Variants in TXNL4B observed in about 807,000 individuals in gnomAD.
TXNL4B encodes the protein thioredoxin like 4B.
In TXNL4B, 12 loss-of-function variants were observed where a neutral mutation model predicts 13.0. That is an observed-to-expected ratio of 0.92 (90% CI 0.59 to 1.49). The LOEUF (loss-of-function observed/expected upper bound fraction) is 1.49, where lower values mean the gene tolerates loss of function less well. TXNL4B is among the 40% of genes most tolerant of loss of function. The probability of loss-of-function intolerance (pLI) is 0.00; values close to 1 mark genes in which losing one functional copy is unlikely to be tolerated. For missense variants in TXNL4B, 214 were observed against 173.6 expected (o/e 1.23, Z -1.31); for synonymous variants, 59 against 58.9 (o/e 1.00, Z -0.01).
intron 2 of TXNL4B, among the ~76,000 whole-genome samples, chr16:72,089,735 A>G (rs2041875186): frequency 6.6e-6 from 1 of 152,220 alleles, no homozygotes; most frequent in South Asian, 2.1e-4. Context: ...TTAGTAGCAG[A>G]CACTTATATA....
At chr16:72,092,916 A>C (rs1489641078) in intron 1 of TXNL4B, among the ~76,000 whole-genome samples, 1 of 152,268 alleles carries the variant, frequency 6.6e-6, no homozygotes, top group Non-Finnish European at 1.5e-5. Context: ...GGGCAGGCAC[A>C]GGGAGTTCCT....
intron 1 of TXNL4B, among the ~76,000 whole-genome samples, chr16:72,093,036 A>G (rs933454267): frequency 6.6e-6 from 1 of 151,838 alleles, no homozygotes; most frequent in Non-Finnish European, 1.5e-5. Context: ...GGGTTTCGCT[A>G]TGTTGCCCAG....
chr16:72,090,880 C>T, intron 1 of TXNL4B, 94 bp from the exon 2 acceptor site: 1 of 1,002,624 alleles, frequency 1.0e-6, no homozygotes, highest in Non-Finnish European at 1.5e-6. Context: ...AATGTATTCA[C>T]ATGGTATGAA....
At chr16:72,088,088 G>C (rs2041850049) in intron 3 of TXNL4B, among the ~76,000 whole-genome samples, 1 of 152,106 alleles carries the variant, frequency 6.6e-6, no homozygotes, top group Admixed American at 6.5e-5. Context: ...CAAAGTGCTG[G>C]GATTACACGC....
At chr16:72,092,312 C>A (rs2041920868) in intron 1 of TXNL4B, among the ~76,000 whole-genome samples, 1 of 152,020 alleles carries the variant, frequency 6.6e-6, no homozygotes, top group Admixed American at 6.6e-5. Context: ...ACTCAGGAGG[C>A]TGAGGCAGGA....
At chr16:72,091,656 C>CT (rs754477752) in intron 1 of TXNL4B, among the ~76,000 whole-genome samples, 9 of 152,208 alleles carry the variant, frequency 5.9e-5, no homozygotes, top group Non-Finnish European at 1.3e-4. Flanking sequence ...ATGTGTTACA[C>CT]TTTTTAAACA....
In TXNL4B at chr16:72,086,538, G is replaced by A; in HGVS notation, c.*99C>T. 3 of 1,178,372 alleles carry A rather than the reference G, an allele frequency of 2.5e-6. No individual in the cohort carries two copies. In the South Asian group the frequency reaches 4.7e-5, roughly 18 times the overall value. 73.0% of individuals were successfully genotyped at this position (1,178,372 alleles called of 1,614,324 possible). A position where few individuals can be genotyped will look rare whatever the true frequency, so the allele number is the denominator to read the frequency against. ...GCAAGTCAAACCTCTTCTCCTCTGG[G>A]ACACATGTTTCCAAAGGACTCCAGA... On this transcript the variant is annotated 3_prime_UTR_variant, in exon 4 of 4. Transcript: ENST00000268483.
At chr16:72,091,084 C>T (rs754397294) in intron 1 of TXNL4B, among the ~76,000 whole-genome samples, 1 of 152,150 alleles carries the variant, frequency 6.6e-6, no homozygotes, top group Non-Finnish European at 1.5e-5. Context: ...TCTCTCTCCC[C>T]ACCCCCAAAA....
rs545227297 is a variant in TXNL4B at position 72,090,861 on chromosome 16, A to G, written c.-37-75T>C. The G allele has an allele frequency of 4.9e-4, 582 of 1,198,082 alleles. 4 individuals are homozygous for G. In the South Asian group the frequency reaches 7.9e-3, roughly 16 times the overall value. 74.2% of individuals were successfully genotyped at this position (1,198,082 alleles called of 1,614,324 possible). On this transcript the variant is annotated intron_variant, in intron 1 of 3. Transcript: ENST00000268483. ...CCCTCATTAAAAAAAATTAATTCAC[A>G]GAGTAGCTAATGTATTCACATGGTA...
chr16:72,086,792 G>A lies in TXNL4B; in HGVS notation c.295C>T (p.His99Tyr). 1 of 1,608,840 alleles carries A rather than the reference G, an allele frequency of 6.2e-7. No individual in the cohort carries two copies. The highest frequency in any genetic ancestry group is 8.5e-7 in the Non-Finnish European group (1 of 1,175,978). The change falls in exon 4 of 4, where the codon CAC (histidine) becomes TAC (tyrosine). Residue 99 changes from histidine (H) to tyrosine (Y), a missense_variant. By Grantham distance (83) the His-to-Tyr change is moderately conservative. Transcript: ENST00000268483. ...TTGAAGCTTCCCACAAACTTAGTGT[G>A]ATCTGGAGATCTAGACAGCATAGAA... ...HMKVDYGSPDHTKFVGSFKTK... is the reference protein window; with the variant it reads ...HMKVDYGSPDYTKFVGSFKTK...
intron 3 of TXNL4B, chr16:72,087,321 C>T (rs530073240): frequency 8.5e-6 from 1 of 118,180 alleles, no homozygotes; most frequent in Non-Finnish European, 1.9e-5. Flanking sequence ...TCTATCCTTC[C>T]AATCTTGTGT....
intron 3 of TXNL4B, among the ~76,000 whole-genome samples, chr16:72,087,052 T>C (rs2144096886): frequency 6.6e-6 from 1 of 152,336 alleles, no homozygotes; most frequent in East Asian, 1.9e-4. Context: ...GCTATTGTAA[T>C]CACAAAATCT....
intron 1 of TXNL4B, among the ~76,000 whole-genome samples, chr16:72,091,273 T>C (rs374620814): frequency 4.8e-5 from 7 of 144,338 alleles, no homozygotes; most frequent in East Asian, 3.9e-4. Context: ...GAAGCCACGG[T>C]AGGAAGCAGT....
At chr16:72,092,182 G>T (rs949692581) in intron 1 of TXNL4B, among the ~76,000 whole-genome samples, 1 of 152,228 alleles carries the variant, frequency 6.6e-6, no homozygotes, top group African/African-American at 2.4e-5. Context: ...GCCAAGGAGG[G>T]TGGATCACCT....
rs941428008 is a variant in TXNL4B at position 72,088,918 on chromosome 16, C to T, written c.284+69G>A. On this transcript the variant is annotated intron_variant, in intron 3 of 3. Transcript: ENST00000268483. Reference sequence around the variant, plus strand: ...AGAGCCAACATCACATGGAAATAGGCAAGCTACTGAAAATGCTTACCAAGG... The same window carrying T: ...AGAGCCAACATCACATGGAAATAGGTAAGCTACTGAAAATGCTTACCAAGG... 71 of 1,252,602 alleles carry T rather than the reference C, an allele frequency of 5.7e-5. 3 individuals are homozygous for T. The South Asian group carries it at 6.3e-4, about 11-fold the overall frequency. The allele number at this position is 1,252,602 out of a possible 1,614,324, so 77.6% of individuals were successfully genotyped here.
At chr16:72,093,704 C>G (rs993598813), upstream of TXNL4B, 1 of 152,456 alleles carries the variant, frequency 6.6e-6, no homozygotes, top group African/African-American at 2.4e-5. Flanking sequence ...GATGGTCGAC[C>G]TTTTTCCCCT....
rs1011851420 is a variant in TXNL4B, at chr16:72,085,134, T to A, written c.*1503A>T. ...TTCCTGGAGTGACTCCCTCCTCTTA[T>A]CAGCAGGGATACAAGCAGTGCCTGG... On this transcript the variant is annotated 3_prime_UTR_variant, in exon 4 of 4. Transcript: ENST00000268483. The A allele has an allele frequency of 2.5e-6, 1 of 397,628 alleles. No individual in the cohort carries two copies. The highest frequency in any genetic ancestry group is 3.6e-5 in the East Asian group (1 of 28,044). The allele number at this position is 397,628 out of a possible 1,614,324, so 24.6% of individuals were successfully genotyped here.
rs1240396605 is a variant in TXNL4B at position 72,085,027 on chromosome 16, A to G, written c.*1610T>C. The G allele has an allele frequency of 7.5e-6, 3 of 398,582 alleles. No homozygotes were observed. Among genetic ancestry groups the G allele is most frequent in the Non-Finnish European group, 1.3e-5 (3 of 226,068 alleles). The allele number at this position is 398,582 out of a possible 1,614,324, so 24.7% of individuals were successfully genotyped here. A position where few individuals can be genotyped will look rare whatever the true frequency, so the allele number is the denominator to read the frequency against. ...GACCTAAGATGGCTGTTGTAGCTCCATGCATCATGATTAAACCAGAGACAG... is the reference window on the plus strand; with the variant it reads ...GACCTAAGATGGCTGTTGTAGCTCCGTGCATCATGATTAAACCAGAGACAG... On this transcript the variant is annotated 3_prime_UTR_variant, in exon 4 of 4. Transcript: ENST00000268483.
At chr16:72,087,937 A>G (rs1476460434) in intron 3 of TXNL4B, among the ~76,000 whole-genome samples, 1 of 152,116 alleles carries the variant, frequency 6.6e-6, no homozygotes. Context: ...TTTCTGCCTC[A>G]GCCTCCAGAG....
Sources: gnomAD v4.1 joint callset for allele counts (sites outside exome capture counted in the v4.1 genomes callset) on GRCh38, gnomAD v4.1.1 for gene constraint, MANE v1.5 for transcripts, NCBI Gene and HGNC (gene_info 2026-07-23, HGNC 2026-07-21) for gene names.